Variants in MACROD2 observed in about 807,000 individuals in gnomAD.
MACROD2 encodes ADP-ribose glycohydrolase MACROD2.
Under a neutral mutation model 70.4 loss-of-function variants are expected in MACROD2, and 36 were observed. The ratio of observed to expected loss-of-function variants is 0.51; its 90% confidence interval spans 0.39 to 0.68. The LOEUF (loss-of-function observed/expected upper bound fraction) is 0.68. Ranked by LOEUF, MACROD2 falls within the 30% of genes least tolerant of loss-of-function variation. The pLI, the probability that MACROD2 is intolerant of heterozygous loss-of-function variation, is 0.00. For synonymous variants in MACROD2, 172 were observed against 178.8 expected, an observed-to-expected ratio of 0.96 and a Z score of 0.30; for missense variants, 496 against 538.4, an observed-to-expected ratio of 0.92 and a Z score of 0.78.
At chr20:14,213,445 C>A (rs2081588018) in intron 3 of MACROD2, among the ~76,000 whole-genome samples, 1 of 135,060 alleles carries the variant, frequency 7.4e-6, no homozygotes, top group Admixed American at 8.2e-5. Flanking sequence ...TCTGAGAGGG[C>A]TTCATAAAGT....
intron 4 of MACROD2, among the ~76,000 whole-genome samples, chr20:14,654,811 C>T (rs942463026): frequency 2.0e-5 from 3 of 152,136 alleles, no homozygotes; most frequent in Non-Finnish European, 2.9e-5. Flanking sequence ...GCGCTCAGTT[C>T]CCCCTTTTTA....
At chr20:14,340,196 T>C (rs2057160458) in intron 3 of MACROD2, among the ~76,000 whole-genome samples, 1 of 152,162 alleles carries the variant, frequency 6.6e-6, no homozygotes, top group Non-Finnish European at 1.5e-5. Context: ...TGGATTCTCA[T>C]ATCAGGAAGG....
intron 5 of MACROD2, among the ~76,000 whole-genome samples, chr20:14,809,796 G>T (rs1196679243): frequency 6.6e-6 from 1 of 151,900 alleles, no homozygotes; most frequent in Admixed American, 6.6e-5. Context: ...TTAGAGAATA[G>T]TATAAACACC....
At chr20:14,805,683 A>G (rs981530021) in intron 5 of MACROD2, among the ~76,000 whole-genome samples, 2 of 152,046 alleles carry the variant, frequency 1.3e-5, no homozygotes, top group Non-Finnish European at 2.9e-5. Context: ...CTATGCTATT[A>G]TGCCAGCCAT....
chr20:14,853,807 T>TTTTTGTTTTG (rs372083863), intron 5 of MACROD2, among the ~76,000 whole-genome samples: 10 of 151,876 alleles, frequency 6.6e-5, no homozygotes, highest in African/African-American at 1.9e-4. Flanking sequence ...TACACAAACT[T>TTTTTGTTTTG]TTTTGTTTTG....
intron 3 of MACROD2, among the ~76,000 whole-genome samples, chr20:14,447,221 T>C (rs1176998488): frequency 1.3e-5 from 2 of 152,026 alleles, no homozygotes; most frequent in Non-Finnish European, 2.9e-5. Flanking sequence ...TATTTCACCA[T>C]GTTGGCCAAG....
At chr20:14,331,126 T>G (rs1163965597) in intron 3 of MACROD2, among the ~76,000 whole-genome samples, 1 of 152,086 alleles carries the variant, frequency 6.6e-6, no homozygotes, top group African/African-American at 2.4e-5. Context: ...ATCCGCTGAT[T>G]GGGGATTTAA....
intron 10 of MACROD2, among the ~76,000 whole-genome samples, chr20:15,901,468 G>T (rs1275745001): frequency 6.6e-6 from 1 of 152,168 alleles, no homozygotes; most frequent in East Asian, 1.9e-4. Context: ...CCAGTCAGCC[G>T]CACCATCACG....
At chr20:15,043,758 GACCA>G (rs1418328153) in intron 5 of MACROD2, among the ~76,000 whole-genome samples, 2 of 152,146 alleles carry the variant, frequency 1.3e-5, no homozygotes, top group East Asian at 3.9e-4. Context: ...CCGTATTTCT[GACCA>G]ACCAGCTGAT....
intron 8 of MACROD2, among the ~76,000 whole-genome samples, chr20:15,512,194 GC>G (rs2047508867): frequency 6.6e-6 from 1 of 152,192 alleles, no homozygotes; most frequent in African/African-American, 2.4e-5. Context: ...CTACTCACAA[GC>G]ACTTGACATG....
intron 5 of MACROD2, among the ~76,000 whole-genome samples, chr20:14,862,464 T>TATATATAAATATATATAA (rs1555839941): frequency 1.3e-3 from 2 of 1,586 alleles, no homozygotes; most frequent in African/African-American, 2.3e-3. Context: ...TATATATAAA[T>TATATATAAATATATATAA]ATATATATAT....
At chr20:14,560,758 A>G (rs1177943852) in intron 4 of MACROD2, among the ~76,000 whole-genome samples, 1 of 151,864 alleles carries the variant, frequency 6.6e-6, no homozygotes, top group Non-Finnish European at 1.5e-5. Flanking sequence ...ATTGATTTCT[A>G]GGAAATGCCG....
intron 4 of MACROD2, among the ~76,000 whole-genome samples, chr20:14,674,842 A>T (rs2070840179): frequency 6.6e-6 from 1 of 152,228 alleles, no homozygotes; most frequent in South Asian, 2.1e-4. Context: ...TCTGAGAGAT[A>T]CATATTCAAT....
chr20:15,179,460 G>T (rs1204939477), intron 5 of MACROD2, among the ~76,000 whole-genome samples: 4 of 152,054 alleles, frequency 2.6e-5, no homozygotes, highest in Non-Finnish European at 5.9e-5. Flanking sequence ...TTCACAAATT[G>T]CCAGATGCTA....
intron 12 of MACROD2, among the ~76,000 whole-genome samples, chr20:15,950,295 A>T (rs540940556): frequency 6.6e-6 from 1 of 152,286 alleles, no homozygotes; most frequent in African/African-American, 2.4e-5. Flanking sequence ...TTTTGAAGGT[A>T]TGTATTTTTG....
chr20:15,382,211 C>A (rs937893386), intron 6 of MACROD2, among the ~76,000 whole-genome samples: 12 of 152,106 alleles, frequency 7.9e-5, no homozygotes, highest in Non-Finnish European at 1.6e-4. Flanking sequence ...TCTCGCCACT[C>A]CCTCATTCCC....
intron 8 of MACROD2, among the ~76,000 whole-genome samples, chr20:15,781,683 C>T (rs1432188286): frequency 6.6e-6 from 1 of 152,110 alleles, no homozygotes; most frequent in African/African-American, 2.4e-5. Context: ...ACCTAATCAT[C>T]TTAATATGTA....
chr20:15,997,477 G>C (rs749592747), intron 15 of MACROD2, among the ~76,000 whole-genome samples: 5 of 152,012 alleles, frequency 3.3e-5, no homozygotes, highest in Non-Finnish European at 7.4e-5. Flanking sequence ...TAAATGGATA[G>C]TTTTCTTTAT....
rs2082808964 is a variant in MACROD2 at position 14,330,180 on chromosome 20, G to A, written c.272-163299G>A. 1.3e-5 allele frequency among the ~76,000 whole-genome samples: 2 copies of A among 151,984 alleles called. 1 individual carries two copies. Among genetic ancestry groups the A allele is most frequent in the South Asian group, 4.1e-4 (2 of 4,824 alleles). ...TGAATATTGCCAGTTTTTAATAAGT[G>A]TATTTTTCATTTCCAAAAGAAGACT... On this transcript the variant is annotated intron_variant, in intron 3 of 17. Coordinates refer to ENST00000684519, the MANE Select transcript of MACROD2 (RefSeq NM_001351661.2).
Sources: allele counts gnomAD v4.1 joint callset (sites outside exome capture counted in the v4.1 genomes callset), GRCh38; gene constraint gnomAD v4.1.1; transcripts MANE v1.5; gene names NCBI Gene and HGNC (gene_info 2026-07-23, HGNC 2026-07-21).